SMARCA2: variants seen among roughly 807,000 people sequenced by gnomAD.
The protein encoded by SMARCA2 is SWI/SNF related BAF chromatin remodeling complex subunit ATPase 2.
SMARCA2 carries 61 observed loss-of-function variants against 199.8 expected under a neutral mutation model. The observed-to-expected ratio is 0.31, with a 90% confidence interval of 0.25 to 0.38. SMARCA2 has a LOEUF of 0.38. SMARCA2 is among the 10% of genes least tolerant of loss of function. The pLI is 1.00. For synonymous variants in SMARCA2, 935 were observed against 732.0 expected (o/e 1.28, Z -4.48); for missense variants, 1,344 against 2,012.2 (o/e 0.67, Z 6.35).
At chr9:2,064,379 G>C (rs892433855) in intron 9 of SMARCA2, among the ~76,000 whole-genome samples, 2 of 152,196 alleles carry the variant, frequency 1.3e-5, no homozygotes, top group South Asian at 2.1e-4. Flanking sequence ...CCATAGATTT[G>C]TAGTGAGGAT....
chr9:2,030,600 G>A (rs542850380), intron 2 of SMARCA2, among the ~76,000 whole-genome samples: 2 of 143,192 alleles, frequency 1.4e-5, no homozygotes, highest in Middle Eastern at 3.4e-3. Flanking sequence ...GAGGCCCACC[G>A]ACATTGCTGG....
intron 1 of SMARCA2, among the ~76,000 whole-genome samples, chr9:2,028,138 C>G (rs990130577): frequency 2.0e-5 from 3 of 152,178 alleles, no homozygotes; most frequent in Non-Finnish European, 2.9e-5. Context: ...GATGACTTCT[C>G]TCAAGGATTC....
intron 28 of SMARCA2, among the ~76,000 whole-genome samples, chr9:2,167,136 G>A (rs1825973369): frequency 6.6e-6 from 1 of 152,198 alleles, no homozygotes. Context: ...TGTGCTCTGT[G>A]ATTTCCTAAA....
Position 2,103,665 on chromosome 9 carries a change from A to T in SMARCA2, c.3126-338A>T, listed in dbSNP as rs868538340. ...GTACGTGTGTGTGTGTGTGTGTGAG[A>T]GAGAGAGAGAGAGAGAGAGAGGGCG... On this transcript the variant is annotated intron_variant, in intron 22 of 33. Coordinates refer to ENST00000349721, the MANE Select transcript of SMARCA2 (RefSeq NM_003070.5). 3.7e-3 allele frequency among the ~76,000 whole-genome samples: 542 copies of T among 144,988 alleles called. 2 individuals carry two copies. Among genetic ancestry groups the T allele is most frequent in the African/African-American group, 0.012 (428 of 36,340 alleles).
chr9:2,112,654 C>G (rs1823054348), intron 24 of SMARCA2, among the ~76,000 whole-genome samples: 2 of 152,200 alleles, frequency 1.3e-5, no homozygotes, highest in African/African-American at 4.8e-5. Flanking sequence ...GTTCCTCACA[C>G]TGGGCCTCTG....
Position 2,161,928 on chromosome 9 carries a change from G to A in SMARCA2, c.4199+25G>A. On this transcript the variant is annotated intron_variant, in intron 28 of 33. Transcript: ENST00000349721. This position sits in a 1 kb window ranked among gnomAD's most constrained non-coding sequence, Gnocchi z 4.7. ...GGTGAGTGTTTGGTTCCTTCACCTT[G>A]ATCATCTCTCACCAAGACGCCGAGT... The A allele has an allele frequency of 1.3e-6, 2 of 1,587,386 alleles. No homozygotes were observed. Among genetic ancestry groups the A allele is most frequent in the South Asian group, 2.2e-5 (2 of 90,082 alleles).
At chr9:2,045,226 T>A (rs926377147) in intron 4 of SMARCA2, 1 of 152,212 alleles carries the variant, frequency 6.6e-6, no homozygotes, top group African/African-American at 2.4e-5. Flanking sequence ...CTAAAGATGG[T>A]TGCTTTTAGA....
intron 27 of SMARCA2, among the ~76,000 whole-genome samples, chr9:2,137,725 A>T (rs13283799): frequency 6.6e-6 from 1 of 152,108 alleles, no homozygotes; most frequent in Admixed American, 6.5e-5. Context: ...CTTGACTGCT[A>T]TGTCCTGGTA....
chr9:2,061,107 G>T, intron 9 of SMARCA2, 121 bp downstream of exon 9: 2 of 960,654 alleles, frequency 2.1e-6, no homozygotes, highest in South Asian at 1.7e-5. Flanking sequence ...TGATTGAATT[G>T]TGAAAATTGC....
chr9:2,026,578 T>C (rs1231012087), intron 1 of SMARCA2, among the ~76,000 whole-genome samples: 4 of 152,210 alleles, frequency 2.6e-5, no homozygotes, highest in Non-Finnish European at 5.9e-5. Context: ...ATCAATTATA[T>C]TAAACGTAGG....
chr9:2,106,656 G>A (rs1249387578), intron 23 of SMARCA2, among the ~76,000 whole-genome samples: 1 of 152,052 alleles, frequency 6.6e-6, no homozygotes, highest in Non-Finnish European at 1.5e-5. Context: ...TGCTGAATTT[G>A]ATGTCTCAGA....
In SMARCA2 at chr9:2,119,526, C is replaced by T. The variant is rs775850187; in HGVS notation, c.3753C>T (p.Asp1251=). Residue 1251 remains aspartate (D), a synonymous_variant, in exon 26 of 34, where the codon GAC becomes GAT. Coordinates refer to ENST00000349721, the MANE Select transcript of SMARCA2 (RefSeq NM_003070.5). This position sits in a 1 kb window ranked among gnomAD's most constrained non-coding sequence, Gnocchi z 4.6. ...TTGCTCGACGAGAAGAAGAATTTGA[C>T]CTTTTTATGGTAATGTTACAGAAAA... is the stretch of plus-strand genomic sequence containing the variant. The part of the protein sequence containing the change: ...QMIARREEEF[D]LFMRMDMDRR... The T allele has an allele frequency of 2.5e-6, 4 of 1,607,212 alleles. No individual in the cohort carries two copies. The South Asian group carries it at 4.4e-5, about 18-fold the overall frequency.
chr9:2,186,722 C>T (rs1827485054), intron 32 of SMARCA2, among the ~76,000 whole-genome samples: 1 of 152,162 alleles, frequency 6.6e-6, no homozygotes, highest in Non-Finnish European at 1.5e-5. Flanking sequence ...GATGGAGTGT[C>T]ACCATGTTGG....
chr9:2,045,799 G>T (rs1819812761), intron 4 of SMARCA2: 1 of 147,432 alleles, frequency 6.8e-6, no homozygotes, highest in Non-Finnish European at 1.5e-5. Flanking sequence ...AATTTTAGAA[G>T]GAGGGGAAAA....
At chr9:2,191,115 GACAGAACCAC>G (rs757672177) in intron 32 of SMARCA2, 141 bp from the exon 33 acceptor site, 3 of 737,208 alleles carry the variant, frequency 4.1e-6, no homozygotes, top group Non-Finnish European at 6.9e-6. Context: ...TCGCTGACTA[GACAGAACCAC>G]ACAGAACAGG....
At chr9:2,192,335 C>G (rs1261435716) in intron 33 of SMARCA2, 2 of 243,108 alleles carry the variant, frequency 8.2e-6, no homozygotes, top group African/African-American at 4.7e-5. Context: ...TTGATGCAAG[C>G]ATTTTCAAAT....
chr9:2,130,875 A>G (rs1823917753), intron 27 of SMARCA2, among the ~76,000 whole-genome samples: 1 of 152,168 alleles, frequency 6.6e-6, no homozygotes, highest in Non-Finnish European at 1.5e-5. Context: ...TTTCCGGTTT[A>G]ATGTCAGCCC....
intron 4 of SMARCA2, chr9:2,041,779 A>G (rs1819616267): frequency 5.7e-6 from 1 of 175,918 alleles, no homozygotes; most frequent in African/African-American, 2.4e-5. Context: ...GAATCCTAAA[A>G]GTATTTAGAG....
chr9:2,178,032 G>A lies in SMARCA2; in HGVS notation c.4254-3539G>A, dbSNP rs577702994. Among the ~76,000 whole-genome samples the A allele has an allele frequency of 2.3e-3, 354 of 150,890 alleles. 1 individual carries two copies. Among genetic ancestry groups the A allele is most frequent in the African/African-American group, 8.0e-3 (329 of 40,896 alleles). ...GGAGGTAATGAGGAAAAAAAAAAACGGTTCCCAGATGAAGCATAACAAATT... is the reference window on the plus strand; with the variant it reads ...GGAGGTAATGAGGAAAAAAAAAAACAGTTCCCAGATGAAGCATAACAAATT... On this transcript the variant is annotated intron_variant, in intron 29 of 33. Transcript: ENST00000349721.
Sources: allele counts gnomAD v4.1 joint callset (sites outside exome capture counted in the v4.1 genomes callset), GRCh38; gene constraint gnomAD v4.1.1; non-coding constraint Gnocchi (gnomAD v3.1); transcripts MANE v1.5; gene names NCBI Gene and HGNC (gene_info 2026-07-23, HGNC 2026-07-21).